RUFY1: variants seen among roughly 807,000 people sequenced by gnomAD.
The protein encoded by RUFY1 is RUN and FYVE domain-containing protein 1.
Under a neutral mutation model 94.6 loss-of-function variants are expected in RUFY1, and 54 were observed. The ratio of observed to expected loss-of-function variants is 0.57; its 90% CI spans 0.46 to 0.72. RUFY1 has a LOEUF of 0.72. RUFY1 is among the 30% of genes least tolerant of loss of function. The pLI is 0.00. For synonymous variants in RUFY1, 396 were observed against 347.3 expected (o/e 1.14, Z -1.56); for missense variants, 883 against 883.9 (o/e 1.00, Z 0.01).
At chr5:179,585,131 AAAAC>A (rs907148472) in intron 7 of RUFY1, among the ~76,000 whole-genome samples, 40 of 152,348 alleles carry the variant, frequency 2.6e-4, no homozygotes, top group East Asian at 1.9e-3. Flanking sequence ...ACTCTGTCTC[AAAAC>A]AAACAAACAA....
intron 5 of RUFY1, among the ~76,000 whole-genome samples, chr5:179,569,642 C>G (rs1419840109): frequency 6.6e-6 from 1 of 152,088 alleles, no homozygotes; most frequent in Non-Finnish European, 1.5e-5. Flanking sequence ...AACAGGCAGA[C>G]AGCTCTCCAT....
chr5:179,562,764 A>C, intron 3 of RUFY1, 100 bp downstream of exon 3: 1 of 719,946 alleles, frequency 1.4e-6, no homozygotes, highest in Non-Finnish European at 2.5e-6. Context: ...CTAATTGGAA[A>C]GAGCTCTGCT....
At chr5:179,590,997 C>G (rs1765036830) in intron 9 of RUFY1, 1 of 150,824 alleles carries the variant, frequency 6.6e-6, no homozygotes, top group Non-Finnish European at 1.5e-5. Flanking sequence ...CCACACCCGA[C>G]TAATTTTTGT....
intron 7 of RUFY1, among the ~76,000 whole-genome samples, chr5:179,582,392 A>AT (rs528765498): frequency 1.1e-3 from 174 of 152,040 alleles, no homozygotes; most frequent in African/African-American, 4.1e-3. Context: ...CACCTGGCTA[A>AT]TTTTTTGTAT....
chr5:179,585,776 A>C lies in RUFY1; in HGVS notation c.957-20A>C. ...AGCTTGTATAAGTTTATGTTTACTT[A>C]ATATTCTTATTTTCTACAGCTGCAC... On this transcript the variant is annotated intron_variant, in intron 7 of 17. Transcript: ENST00000319449. The C allele has an allele frequency of 6.4e-7, 1 of 1,568,920 alleles. No homozygotes were observed. The highest frequency in any genetic ancestry group is 8.8e-7 in the Non-Finnish European group (1 of 1,139,498).
chr5:179,562,749 C>A, intron 3 of RUFY1, 85 bp downstream of exon 3: 3 of 771,780 alleles, frequency 3.9e-6, no homozygotes, highest in Non-Finnish European at 6.8e-6. Context: ...CTGATGAAGC[C>A]CTTTCTAATT....
intron 15 of RUFY1, among the ~76,000 whole-genome samples, chr5:179,604,719 GGCCTCT>G (rs1436157466): frequency 5.9e-5 from 9 of 152,128 alleles, no homozygotes; most frequent in Admixed American, 1.3e-4. Flanking sequence ...TGGGGGCTCA[GGCCTCT>G]AATCCCAGCA....
intron 1 of RUFY1, among the ~76,000 whole-genome samples, chr5:179,553,549 C>T (rs1226576091): frequency 3.3e-5 from 5 of 151,666 alleles, no homozygotes; most frequent in East Asian, 1.9e-4. Flanking sequence ...TTTGGGAGGC[C>T]GAGGCAGGCA....
intron 14 of RUFY1, 134 bp from the exon 15 acceptor site, chr5:179,601,758 G>T: frequency 1.6e-6 from 1 of 634,704 alleles, no homozygotes; most frequent in Non-Finnish European, 2.8e-6. Flanking sequence ...GGCGGAGGTT[G>T]CAGTGAGCCA....
chr5:179,569,775 CGTT>C (rs1275348595), intron 5 of RUFY1, among the ~76,000 whole-genome samples: 1 of 151,998 alleles, frequency 6.6e-6, no homozygotes, highest in African/African-American at 2.4e-5. Flanking sequence ...GACGGAGTCT[CGTT>C]GTGTCTCCCA....
At chr5:179,602,258 A>T (rs999208698) in intron 15 of RUFY1, 18 of 406,336 alleles carry the variant, frequency 4.4e-5, no homozygotes, top group Admixed American at 1.1e-4. Context: ...TTAGCTTCAT[A>T]TCCAGGGCCT....
intron 15 of RUFY1, among the ~76,000 whole-genome samples, chr5:179,604,057 C>T (rs1766753461): frequency 6.6e-6 from 1 of 152,174 alleles, no homozygotes; most frequent in African/African-American, 2.4e-5. Context: ...AACTCTGTCT[C>T]AAAAACAAAC....
chr5:179,589,096 A>G (rs915392472), intron 8 of RUFY1, among the ~76,000 whole-genome samples: 6 of 152,120 alleles, frequency 3.9e-5, no homozygotes, highest in Non-Finnish European at 5.9e-5. Context: ...AGAGCATACC[A>G]TATAACCTTT....
rs868512338 is a variant in RUFY1, at chr5:179,559,287, A to G, written c.311-738A>G. ...CAGTCTTTATTACACCCTCAAGGCA[A>G]TGCGACAAGATAATGGGAGTTGAAA... On this transcript the variant is annotated intron_variant, in intron 1 of 17. Transcript: ENST00000319449. Among the ~76,000 whole-genome samples the G allele has an allele frequency of 2.6e-5, 4 of 152,244 alleles. 1 individual carries two copies. The highest frequency in any genetic ancestry group is 1.3e-4 in the Admixed American group (2 of 15,280).
At chr5:179,564,119 CTTT>C (rs59530799) in intron 3 of RUFY1, among the ~76,000 whole-genome samples, 10 of 133,506 alleles carry the variant, frequency 7.5e-5, no homozygotes, top group Admixed American at 1.5e-4. Context: ...CTGATGTTTT[CTTT>C]TTTTTTTTTT....
chr5:179,579,986 T>C lies in RUFY1; in HGVS notation c.891-961T>C, dbSNP rs142541582. 5.1e-3 allele frequency among the ~76,000 whole-genome samples: 774 copies of C among 152,056 alleles called. 11 individuals are homozygous for C. Among genetic ancestry groups the C allele is most frequent in the African/African-American group, 0.018 (744 of 41,508 alleles). ...ACCCAGCCACAGAATATACTTTTAA[T>C]GTCAAAAGCTGAAAATAAACTGAGT... is the stretch of plus-strand genomic sequence containing the variant. On this transcript the variant is annotated intron_variant, in intron 6 of 17. Coordinates refer to ENST00000319449, the MANE Select transcript of RUFY1 (RefSeq NM_025158.5).
chr5:179,578,172 G>C (rs1763807713), intron 6 of RUFY1, among the ~76,000 whole-genome samples: 1 of 152,076 alleles, frequency 6.6e-6, no homozygotes, highest in Non-Finnish European at 1.5e-5. Flanking sequence ...AGTTGCCCTT[G>C]GACTTGTTCT....
intron 5 of RUFY1, among the ~76,000 whole-genome samples, chr5:179,570,684 A>T (rs1763162823): frequency 6.6e-6 from 1 of 152,100 alleles, no homozygotes; most frequent in Non-Finnish European, 1.5e-5. Flanking sequence ...ACCTAGCAAA[A>T]TTCCCAGCCT....
chr5:179,591,226 C>T (rs563646117), intron 9 of RUFY1, among the ~76,000 whole-genome samples: 5 of 151,918 alleles, frequency 3.3e-5, no homozygotes, highest in East Asian at 1.9e-4. Context: ...GCCCTGTCGC[C>T]CAGGCTGGAG....
Sources: gnomAD v4.1 joint callset for allele counts (sites outside exome capture counted in the v4.1 genomes callset) on GRCh38, gnomAD v4.1.1 for gene constraint, MANE v1.5 for transcripts, NCBI Gene and HGNC (gene_info 2026-07-23, HGNC 2026-07-21) for gene names.